GPR39: variants seen among roughly 807,000 people sequenced by gnomAD.
GPR39 encodes zinc sensing receptor.
A neutral mutation model predicts 18.4 loss-of-function variants in GPR39; 23 were observed. The ratio of observed to expected loss-of-function variants is 1.25; its 90% CI spans 0.90 to 1.77. The LOEUF (loss-of-function observed/expected upper bound fraction) is 1.77, where lower values mean the gene tolerates loss of function less well. Among genes scored for constraint, GPR39 ranks in the 40% most tolerant of loss-of-function variants. The probability of loss-of-function intolerance (pLI) is 0.00; values close to 1 mark genes in which losing one functional copy is unlikely to be tolerated. For synonymous variants in GPR39, 280 were observed against 257.9 expected (o/e 1.09, Z -0.82); for missense variants, 647 against 602.4 (o/e 1.07, Z -0.78).
At chr2:132,432,792 A>T (rs924848715) in intron 1 of GPR39, among the ~76,000 whole-genome samples, 2 of 152,094 alleles carry the variant, frequency 1.3e-5, no homozygotes, top group Admixed American at 1.3e-4. Flanking sequence ...ATCACCTACT[A>T]GTGTGTGTGA....
intron 1 of GPR39, among the ~76,000 whole-genome samples, chr2:132,460,706 TTC>T (rs1291323631): frequency 2.0e-5 from 3 of 152,154 alleles, no homozygotes; most frequent in Non-Finnish European, 4.4e-5. Flanking sequence ...TGCCAACAAT[TTC>T]TCTGTCTCTG....
intron 1 of GPR39, among the ~76,000 whole-genome samples, chr2:132,446,558 C>T (rs76476192): frequency 0.015 from 2,287 of 152,242 alleles, 51 homozygotes; most frequent in East Asian, 0.074. Context: ...AGCTTGGTGA[C>T]GCTAGAATTC....
intron 1 of GPR39, among the ~76,000 whole-genome samples, chr2:132,608,173 C>T (rs2104847358): frequency 6.6e-6 from 1 of 152,344 alleles, no homozygotes; most frequent in South Asian, 2.1e-4. Context: ...TGATTTTCAA[C>T]ATTTGTTGTA....
At chr2:132,449,311 G>A (rs1388689044) in intron 1 of GPR39, among the ~76,000 whole-genome samples, 2 of 152,042 alleles carry the variant, frequency 1.3e-5, no homozygotes, top group African/African-American at 2.4e-5. Context: ...ACAATGGCGC[G>A]ATCTTGGCTC....
chr2:132,449,863 C>T (rs950810366), intron 1 of GPR39, among the ~76,000 whole-genome samples: 5 of 152,176 alleles, frequency 3.3e-5, no homozygotes, highest in African/African-American at 1.2e-4. Context: ...TCTCACTTCT[C>T]TCCCCCTTCC....
At chr2:132,428,067 A>G (rs1015595615) in intron 1 of GPR39, among the ~76,000 whole-genome samples, 4 of 151,500 alleles carry the variant, frequency 2.6e-5, no homozygotes, top group African/African-American at 9.7e-5. Context: ...CACCTTGGTG[A>G]TTGAAGCTTG....
intron 1 of GPR39, among the ~76,000 whole-genome samples, chr2:132,486,841 T>G (rs1354864352): frequency 6.6e-6 from 1 of 152,226 alleles, no homozygotes; most frequent in Non-Finnish European, 1.5e-5. Context: ...CAGTTTTAAT[T>G]TTCTTCAAGA....
intron 1 of GPR39, among the ~76,000 whole-genome samples, chr2:132,572,706 TC>T (rs1255675256): frequency 2.0e-5 from 3 of 152,094 alleles, no homozygotes; most frequent in Non-Finnish European, 4.4e-5. Context: ...TCGGGCACTT[TC>T]CCCCAAGTGG....
chr2:132,476,493 G>A (rs1681128478), intron 1 of GPR39, among the ~76,000 whole-genome samples: 1 of 151,720 alleles, frequency 6.6e-6, no homozygotes, highest in Non-Finnish European at 1.5e-5. Context: ...AAAATTAGCT[G>A]GGCGTGGTGG....
intron 1 of GPR39, among the ~76,000 whole-genome samples, chr2:132,530,173 G>A (rs1679588886): frequency 6.6e-6 from 1 of 152,186 alleles, no homozygotes; most frequent in Non-Finnish European, 1.5e-5. Flanking sequence ...ACCTGATGGA[G>A]CTGAAAACCA....
intron 1 of GPR39, among the ~76,000 whole-genome samples, chr2:132,557,311 C>T (rs940531892): frequency 6.6e-6 from 1 of 152,128 alleles, no homozygotes; most frequent in African/African-American, 2.4e-5. Flanking sequence ...GAATGAGACT[C>T]CATCTCAAAA....
chr2:132,556,705 C>T (rs922203978), intron 1 of GPR39, among the ~76,000 whole-genome samples: 1 of 152,078 alleles, frequency 6.6e-6, no homozygotes, highest in Non-Finnish European at 1.5e-5. Flanking sequence ...TTTTCAAATC[C>T]TCCCCCTCCA....
chr2:132,433,574 A>G (rs1363804836), intron 1 of GPR39: 1 of 151,984 alleles, frequency 6.6e-6, no homozygotes, highest in Non-Finnish European at 1.5e-5. Context: ...AAGTAAAGTC[A>G]TGATATCACA....
At chr2:132,568,659 T>C (rs538054139) in intron 1 of GPR39, among the ~76,000 whole-genome samples, 3 of 152,068 alleles carry the variant, frequency 2.0e-5, no homozygotes, top group African/African-American at 7.2e-5. Context: ...TGAGCTGAGA[T>C]TGTGTCACTG....
chr2:132,644,862 A>G (rs1681967202), intron 1 of GPR39: 2 of 555,040 alleles, frequency 3.6e-6, no homozygotes, highest in African/African-American at 1.9e-5. Context: ...TACACTGTCT[A>G]AAGCATTTAA....
At chr2:132,543,622 T>G (rs1283105034) in intron 1 of GPR39, among the ~76,000 whole-genome samples, 2 of 152,166 alleles carry the variant, frequency 1.3e-5, no homozygotes, top group African/African-American at 2.4e-5. Flanking sequence ...TTTGTTTAAG[T>G]GCGTGTTATC....
At chr2:132,455,541 C>T (rs1316246097) in intron 1 of GPR39, among the ~76,000 whole-genome samples, 1 of 152,134 alleles carries the variant, frequency 6.6e-6, no homozygotes, top group Non-Finnish European at 1.5e-5. Flanking sequence ...TGTGTTTGCT[C>T]TTGCTTCTCT....
chr2:132,443,821 G>A (rs1168554823), intron 1 of GPR39, among the ~76,000 whole-genome samples: 1 of 152,018 alleles, frequency 6.6e-6, no homozygotes, highest in African/African-American at 2.4e-5. Flanking sequence ...TGTAATCCCA[G>A]CACTTTGAGA....
chr2:132,454,819 C>T, intron 1 of GPR39, among the ~76,000 whole-genome samples: 1 of 152,170 alleles, frequency 6.6e-6, no homozygotes, highest in Non-Finnish European at 1.5e-5. Context: ...CCTTGCATCC[C>T]AGGGATGAAG....
Sources: gnomAD v4.1 joint callset for allele counts (sites outside exome capture counted in the v4.1 genomes callset) on GRCh38, gnomAD v4.1.1 for gene constraint, MANE v1.5 for transcripts, NCBI Gene and HGNC (gene_info 2026-07-23, HGNC 2026-07-21) for gene names.